The following ADCY8 variants were observed in gnomAD, a reference collection of about 807,000 sequenced individuals.
The protein encoded by ADCY8 is adenylate cyclase 8, also known as adenylate cyclase type 8.
A neutral mutation model predicts 119.7 loss-of-function variants in ADCY8; 51 were observed. That is an observed-to-expected ratio of 0.43 (90% confidence interval 0.34 to 0.54). The LOEUF is 0.54. Ranked by LOEUF, ADCY8 falls within the 20% of genes least tolerant of loss-of-function variation. The probability of loss-of-function intolerance (pLI) is 0.03; values close to 1 mark genes in which losing one functional copy is unlikely to be tolerated. For missense variants in ADCY8, 1,383 were observed against 1,598.8 expected (o/e 0.87, Z 2.30); for synonymous variants, 665 against 651.0 (o/e 1.02, Z -0.33).
chr8:130,929,383 T>C (rs577536014), intron 5 of ADCY8, among the ~76,000 whole-genome samples: 1 of 152,338 alleles, frequency 6.6e-6, no homozygotes, highest in African/African-American at 2.4e-5. Flanking sequence ...TTAAGTTCCT[T>C]CATTGATCCA....
chr8:130,913,452 G>T (rs1355959230), intron 5 of ADCY8, among the ~76,000 whole-genome samples: 1 of 152,010 alleles, frequency 6.6e-6, no homozygotes. Context: ...TGTTTGTCTG[G>T]ATATTGATGT....
chr8:130,907,306 G>A (rs1303948936), intron 6 of ADCY8, among the ~76,000 whole-genome samples: 1 of 152,034 alleles, frequency 6.6e-6, no homozygotes, highest in Non-Finnish European at 1.5e-5. Flanking sequence ...TGAGGTTTGA[G>A]AACCGTTCTT....
intron 1 of ADCY8, among the ~76,000 whole-genome samples, chr8:131,027,603 T>C (rs1171094680): frequency 1.3e-5 from 2 of 152,182 alleles, no homozygotes; most frequent in African/African-American, 4.8e-5. Context: ...GAATTTCATG[T>C]AGATATCAGA....
chr8:130,976,922 A>C (rs1296085111), intron 2 of ADCY8, among the ~76,000 whole-genome samples: 1 of 152,216 alleles, frequency 6.6e-6, no homozygotes, highest in Non-Finnish European at 1.5e-5. Flanking sequence ...GAATTATTAA[A>C]ATGGTTTTAC....
intron 3 of ADCY8, among the ~76,000 whole-genome samples, chr8:130,944,042 G>A (rs1821036084): frequency 6.6e-6 from 1 of 152,202 alleles, no homozygotes; most frequent in South Asian, 2.1e-4. Context: ...TCAGTTAGGT[G>A]AGGTCTTGTT....
chr8:130,993,693 A>T (rs1184263217), intron 1 of ADCY8, among the ~76,000 whole-genome samples: 2 of 152,156 alleles, frequency 1.3e-5, no homozygotes, highest in African/African-American at 4.8e-5. Context: ...GCCACCATGT[A>T]AGACATGCCT....
intron 1 of ADCY8, among the ~76,000 whole-genome samples, chr8:130,993,126 G>A (rs1822653535): frequency 6.6e-6 from 1 of 152,056 alleles, no homozygotes; most frequent in Admixed American, 6.6e-5. Flanking sequence ...TAAAAATTTG[G>A]AAGTGAAAAC....
At chr8:130,856,964 C>T (rs1026012469) in intron 9 of ADCY8, among the ~76,000 whole-genome samples, 6 of 151,672 alleles carry the variant, frequency 4.0e-5, no homozygotes, top group Non-Finnish European at 7.4e-5. Context: ...AATGGTAAAA[C>T]GAAGCATAAA....
At chr8:131,004,382 A>G (rs1349262337) in intron 1 of ADCY8, among the ~76,000 whole-genome samples, 1 of 151,798 alleles carries the variant, frequency 6.6e-6, no homozygotes, top group East Asian at 1.9e-4. Flanking sequence ...AAGCCATACC[A>G]TTTTTCTGGC....
At position 130,870,936 on chromosome 8, in the gene ADCY8, C is replaced by T. The variant is rs150100060; in HGVS notation, c.2110-2990G>A. ...ACATTAATATAGTTCATAAGTTTGG[C>T]GTTAATGTAGTTCATAAGTTTGAAG... On this transcript the variant is annotated intron_variant, in intron 8 of 17. Transcript: ENST00000286355. 2.2e-3 allele frequency among the ~76,000 whole-genome samples: 339 copies of T among 150,794 alleles called. 3 individuals are homozygous for T. The highest frequency in any genetic ancestry group is 0.02 in the Admixed American group (299 of 14,972).
intron 7 of ADCY8, among the ~76,000 whole-genome samples, chr8:130,893,682 G>GTA (rs931890696): frequency 6.0e-5 from 8 of 132,480 alleles, no homozygotes; most frequent in Middle Eastern, 4.2e-3. Context: ...GTGTGTGTGT[G>GTA]TGTGTGTGCA....
chr8:130,941,375 C>A (rs755251205), intron 4 of ADCY8, among the ~76,000 whole-genome samples: 1 of 152,168 alleles, frequency 6.6e-6, no homozygotes, highest in Admixed American at 6.5e-5. Context: ...AAAAAGTACC[C>A]TTTCTCTTTC....
chr8:130,853,422 C>A (rs991278690), intron 9 of ADCY8, among the ~76,000 whole-genome samples: 5 of 152,180 alleles, frequency 3.3e-5, no homozygotes, highest in African/African-American at 1.2e-4. Flanking sequence ...GGATCTCACA[C>A]CAGAGTTTAA....
chr8:130,788,452 G>A (rs185302028), intron 15 of ADCY8, among the ~76,000 whole-genome samples: 33 of 152,252 alleles, frequency 2.2e-4, no homozygotes, highest in Admixed American at 2.1e-3. Flanking sequence ...ACTCATAGAA[G>A]TAGAGAGTCA....
chr8:130,899,783 A>T (rs530236069), intron 7 of ADCY8, among the ~76,000 whole-genome samples: 1 of 152,296 alleles, frequency 6.6e-6, no homozygotes, highest in South Asian at 2.1e-4. Flanking sequence ...GGAAAATATA[A>T]CCTTTATGAT....
intron 7 of ADCY8, among the ~76,000 whole-genome samples, chr8:130,896,804 A>G (rs1183150180): frequency 6.6e-6 from 1 of 152,130 alleles, no homozygotes; most frequent in African/African-American, 2.4e-5. Flanking sequence ...CAGTAAGATA[A>G]CTGTAAACAG....
intron 11 of ADCY8, 55 bp downstream of exon 11, chr8:130,847,369 T>C: frequency 7.6e-7 from 1 of 1,317,508 alleles, no homozygotes; most frequent in East Asian, 2.3e-5. Context: ...TATTTGGAGC[T>C]GGTAGAGATA....
chr8:130,990,339 A>C, intron 2 of ADCY8, 54 bp downstream of exon 2: 2 of 1,590,786 alleles, frequency 1.3e-6, no homozygotes, highest in Non-Finnish European at 8.6e-7. Context: ...AGCTCCATAT[A>C]ATTTAGAGAC....
chr8:131,005,450 T>C (rs1190451678), intron 1 of ADCY8, among the ~76,000 whole-genome samples: 1 of 152,208 alleles, frequency 6.6e-6, no homozygotes, highest in African/African-American at 2.4e-5. Flanking sequence ...TTCTTCCCTG[T>C]GTACTTCCAG....
Sources: gnomAD v4.1 joint callset for allele counts (sites outside exome capture counted in the v4.1 genomes callset) on GRCh38, gnomAD v4.1.1 for gene constraint, MANE v1.5 for transcripts, NCBI Gene and HGNC (gene_info 2026-07-23, HGNC 2026-07-21) for gene names.